The following RUSC2 variants were observed in gnomAD, a reference collection of about 807,000 sequenced individuals.
RUSC2 encodes RUN and SH3 domain containing 2.
A neutral mutation model predicts 122.2 loss-of-function variants in RUSC2; 34 were observed. That is an observed-to-expected ratio of 0.28 (90% CI 0.21 to 0.37). The LOEUF is 0.37. Ranked by LOEUF, RUSC2 falls within the 10% of genes least tolerant of loss-of-function variation. The pLI is 1.00. For missense variants in RUSC2, 1,747 were observed against 1,952.4 expected (o/e 0.89, Z 1.98); for synonymous variants, 784 against 790.0 (o/e 0.99, Z 0.13).
Position 35,561,454 on chromosome 9 carries a change from G to T in RUSC2, c.*72G>T, listed in dbSNP as rs1822174042. 1 of 1,339,138 alleles carries T rather than the reference G, an allele frequency of 7.5e-7. No individual in the cohort carries two copies. The highest frequency in any genetic ancestry group is 2.3e-5 in the East Asian group (1 of 43,374). 83.0% of individuals were successfully genotyped at this position (1,339,138 alleles called of 1,614,324 possible). ...CTCAGAGCCCGAGAGCCCTTCCCAAGCCATTGGCTTGGCTGCAGAGTAGAC... is the reference window on the plus strand; with the variant it reads ...CTCAGAGCCCGAGAGCCCTTCCCAATCCATTGGCTTGGCTGCAGAGTAGAC... On this transcript the variant is annotated 3_prime_UTR_variant, in exon 12 of 12. Transcript: ENST00000361226.
chr9:35,553,993 A>C (rs766694516), intron 2 of RUSC2, among the ~76,000 whole-genome samples: 2 of 152,184 alleles, frequency 1.3e-5, no homozygotes, highest in African/African-American at 2.4e-5. Context: ...TAGTTGTTTG[A>C]CCTTGAGCAA....
In RUSC2 at chr9:35,560,484, A is replaced by C. The variant is rs201440892; in HGVS notation, c.3844A>C (p.Ile1282Leu). 1 of 1,614,100 alleles carries C rather than the reference A, an allele frequency of 6.2e-7. No homozygotes were observed. The highest frequency in any genetic ancestry group is 8.5e-7 in the Non-Finnish European group (1 of 1,180,016). ...GCTCATGCAGAGCTCCCAGGTCTACATCGATGGCTCCATTGAGGGTTCCAG... is the reference window on the plus strand; with the variant it reads ...GCTCATGCAGAGCTCCCAGGTCTACCTCGATGGCTCCATTGAGGGTTCCAG... ...YQLMQSSQVY[I>L]DGSIEGSRFP... The change falls in exon 10 of 12, where the codon ATC becomes CTC. Residue 1282 changes from isoleucine to leucine, a missense_variant. Physicochemically the swap from Ile to Leu is conservative, Grantham distance 5. Coordinates refer to ENST00000361226, the MANE Select transcript of RUSC2 (RefSeq NM_014806.5).
intron 2 of RUSC2, among the ~76,000 whole-genome samples, chr9:35,554,687 TGAA>T (rs1312691344): frequency 1.3e-5 from 2 of 152,182 alleles, no homozygotes; most frequent in African/African-American, 2.4e-5. Context: ...GATCTGGAGA[TGAA>T]GAGGAAGGTC....
At chr9:35,530,384 T>C (rs141255626) in intron 1 of RUSC2, among the ~76,000 whole-genome samples, 3 of 152,266 alleles carry the variant, frequency 2.0e-5, no homozygotes, top group African/African-American at 7.2e-5. Context: ...GATAATAAAA[T>C]GGCCAAGTCT....
intron 1 of RUSC2, among the ~76,000 whole-genome samples, chr9:35,504,113 C>A (rs1820867874): frequency 6.6e-6 from 1 of 152,174 alleles, no homozygotes; most frequent in Non-Finnish European, 1.5e-5. Context: ...ATGCAAAAAT[C>A]TTTGTCCACA....
chr9:35,547,447 C>T lies in RUSC2; in HGVS notation c.926C>T (p.Ser309Phe). The change falls in exon 2 of 12, where the codon TCT becomes TTT. Residue 309 changes from serine to phenylalanine, a missense_variant. Transcript: ENST00000361226. This position sits in a 1 kb window ranked among gnomAD's most constrained non-coding sequence, Gnocchi z 4.6. ...TCTGCCCCACAGTCCTGCAGCGACT[C>T]TTCCTTCTGCAGCCACTCAGACCCT... ...LNSAPQSCSD[S>F]SFCSHSDPGA... The T allele has an allele frequency of 1.9e-6, 3 of 1,614,236 alleles. No individual in the cohort carries two copies. The highest frequency in any genetic ancestry group is 2.5e-6 in the Non-Finnish European group (3 of 1,180,046).
intron 1 of RUSC2, among the ~76,000 whole-genome samples, chr9:35,528,402 T>C (rs1420546668): frequency 6.6e-6 from 1 of 151,630 alleles, no homozygotes; most frequent in African/African-American, 2.4e-5. Context: ...AAAAAAAGTA[T>C]ATATTATACA....
chr9:35,509,399 C>G (rs1194191230), intron 1 of RUSC2, among the ~76,000 whole-genome samples: 1 of 152,216 alleles, frequency 6.6e-6, no homozygotes, highest in Non-Finnish European at 1.5e-5. Context: ...AGACTTGCTT[C>G]TACTGTGTTC....
chr9:35,558,290 C>T lies in RUSC2; in HGVS notation c.3154C>T (p.Leu1052Phe). The change falls in exon 7 of 12, where the codon CTC becomes TTC. Residue 1052 changes from leucine (L) to phenylalanine (F), a missense_variant. Coordinates refer to ENST00000361226, the MANE Select transcript of RUSC2 (RefSeq NM_014806.5). The surrounding 1 kb of genome is among the most constrained non-coding windows in gnomAD (Gnocchi z 4.3). The stretch of plus-strand genomic sequence containing the variant: ...CGTCCGCGCCGTGCTGGAGGATGGG[C>T]TCAAGGCCTTTGTACTGGACGTCAT... ...PAVRAVLEDG[L>F]KAFVLDVIIG... The T allele has an allele frequency of 6.2e-7, 1 of 1,614,162 alleles. No individual in the cohort carries two copies. The highest frequency in any genetic ancestry group is 1.3e-5 in the African/African-American group (1 of 75,038).
chr9:35,547,589 T>G lies in RUSC2; in HGVS notation c.1068T>G (p.Ser356=), dbSNP rs1821785651. 5.0e-6 allele frequency: 8 copies of G among 1,614,044 alleles called. No individual in the cohort carries two copies. Among genetic ancestry groups the G allele is most frequent in the Non-Finnish European group, 6.8e-6 (8 of 1,180,026 alleles). The change falls in exon 2 of 12, where the codon TCT becomes TCG. Residue 356 remains serine (S), a synonymous_variant. Coordinates refer to ENST00000361226, the MANE Select transcript of RUSC2 (RefSeq NM_014806.5). The surrounding 1 kb of genome is among the most constrained non-coding windows in gnomAD (Gnocchi z 4.6). ...EGGYGCPHAS[S]PELDANCNSY... ...GCTATGGTTGCCCTCATGCCTCTTCTCCTGAGCTTGATGCCAACTGCAACT... is the reference window on the plus strand; with the variant it reads ...GCTATGGTTGCCCTCATGCCTCTTCGCCTGAGCTTGATGCCAACTGCAACT...
At chr9:35,490,335 C>G (rs1820540214) in intron 1 of RUSC2, among the ~76,000 whole-genome samples, 163 bp downstream of exon 1, 1 of 152,056 alleles carries the variant, frequency 6.6e-6, no homozygotes, top group South Asian at 2.1e-4. Flanking sequence ...TGCGTCCGCC[C>G]CGACCCCCTG....
chr9:35,532,505 A>G (rs61396510), intron 1 of RUSC2, among the ~76,000 whole-genome samples: 2 of 152,180 alleles, frequency 1.3e-5, no homozygotes, highest in African/African-American at 4.8e-5. Flanking sequence ...AGCACTTTGC[A>G]AGGCCGAGGT....
intron 1 of RUSC2, among the ~76,000 whole-genome samples, chr9:35,514,272 T>C (rs974754342): frequency 6.6e-6 from 1 of 152,146 alleles, no homozygotes; most frequent in African/African-American, 2.4e-5. Context: ...GGATTTGGAA[T>C]ATTTTAGCTA....
intron 1 of RUSC2, among the ~76,000 whole-genome samples, chr9:35,533,788 A>T (rs887067478): frequency 1.3e-5 from 2 of 152,234 alleles, no homozygotes; most frequent in Non-Finnish European, 2.9e-5. Flanking sequence ...TGGAGCATTT[A>T]TCAGGACTTC....
intron 1 of RUSC2, among the ~76,000 whole-genome samples, chr9:35,490,656 C>G (rs1820548546): frequency 6.6e-6 from 1 of 152,170 alleles, no homozygotes; most frequent in African/African-American, 2.4e-5. Context: ...TCTGCTCCCT[C>G]CACCCTTTTA....
Position 35,547,346 on chromosome 9 carries a change from C to T in RUSC2, c.825C>T (p.Asn275=). 6.2e-7 allele frequency: 1 copy of T among 1,614,214 alleles called. No homozygotes were observed. Among genetic ancestry groups the T allele is most frequent in the Non-Finnish European group, 8.5e-7 (1 of 1,180,042 alleles). ...GCTATGTGAGCGACTCCTCCTGCAA[C>T]AGTTCAGATGGTGTGCTGGTCACCT... The part of the protein sequence containing the change: ...SMGYVSDSSC[N]SSDGVLVTFS... The change falls in exon 2 of 12, where the codon AAC becomes AAT. Residue 275 remains asparagine (N), a synonymous_variant. Transcript: ENST00000361226. The surrounding 1 kb of genome is among the most constrained non-coding windows in gnomAD (Gnocchi z 4.6).
In RUSC2 at chr9:35,558,594, C is replaced by T. The variant is rs1293893077; in HGVS notation, c.3341+27C>T. ...TGAGTGCACAGAGCAGCAAGATCCC[C>T]TAAACAACTTGCCCTGCCCCCCACC... On this transcript the variant is annotated intron_variant, in intron 8 of 11. Transcript: ENST00000361226. The surrounding 1 kb of genome is among the most constrained non-coding windows in gnomAD (Gnocchi z 4.3). 2 of 1,575,300 alleles carry T rather than the reference C, an allele frequency of 1.3e-6. No homozygotes were observed. The highest frequency in any genetic ancestry group is 1.1e-5 in the South Asian group (1 of 90,322).
At chr9:35,532,606 T>C (rs1821441844) in intron 1 of RUSC2, among the ~76,000 whole-genome samples, 2 of 151,526 alleles carry the variant, frequency 1.3e-5, no homozygotes, top group Non-Finnish European at 2.9e-5. Context: ...TATAGCTGGG[T>C]GTGGTGGCAT....
At chr9:35,522,617 A>G (rs1821237649) in intron 1 of RUSC2, among the ~76,000 whole-genome samples, 1 of 152,228 alleles carries the variant, frequency 6.6e-6, no homozygotes, top group Non-Finnish European at 1.5e-5. Flanking sequence ...ATACACAGGA[A>G]GAATACAGTA....
Sources: allele counts gnomAD v4.1 joint callset (sites outside exome capture counted in the v4.1 genomes callset), GRCh38; gene constraint gnomAD v4.1.1; non-coding constraint Gnocchi (gnomAD v3.1); transcripts MANE v1.5; gene names NCBI Gene and HGNC (gene_info 2026-07-23, HGNC 2026-07-21).